ADGRB3: variants seen among roughly 807,000 people sequenced by gnomAD.
ADGRB3 encodes the protein brain-specific angiogenesis inhibitor 3.
ADGRB3 carries 37 observed loss-of-function variants against 193.4 expected under a neutral mutation model. The observed-to-expected ratio is 0.19, with a 90% CI of 0.15 to 0.25. The LOEUF is 0.25. Ranked by LOEUF, ADGRB3 falls within the 10% of genes least tolerant of loss-of-function variation. ADGRB3 has a pLI of 1.00. For synonymous variants in ADGRB3, 690 were observed against 644.2 expected, an observed-to-expected ratio of 1.07 and a Z score of -1.08; for missense variants, 1,637 against 1,852.9, an observed-to-expected ratio of 0.88 and a Z score of 2.14.
intron 3 of ADGRB3, among the ~76,000 whole-genome samples, chr6:68,884,349 G>A (rs183650984): frequency 3.3e-4 from 50 of 152,218 alleles, no homozygotes; most frequent in Admixed American, 8.5e-4. Flanking sequence ...TAGAAACTGT[G>A]ATAAGCGCTG....
chr6:69,223,918 A>T (rs1413533077), intron 17 of ADGRB3, among the ~76,000 whole-genome samples: 3 of 151,844 alleles, frequency 2.0e-5, no homozygotes, highest in African/African-American at 7.3e-5. Flanking sequence ...TAGCCTCCCA[A>T]AGTGTTAGGA....
intron 13 of ADGRB3, among the ~76,000 whole-genome samples, chr6:69,031,571 C>CTCTCTCTCT (rs1337493560): frequency 1.9e-5 from 2 of 106,848 alleles, no homozygotes; most frequent in Non-Finnish European, 3.9e-5. Flanking sequence ...TTCTTTTCTT[C>CTCTCTCTCT]CTCTGTCTCT....
chr6:68,736,305 G>A (rs971915212), intron 3 of ADGRB3, among the ~76,000 whole-genome samples: 1 of 152,044 alleles, frequency 6.6e-6, no homozygotes, highest in African/African-American at 2.4e-5. Context: ...GGCGTGATCC[G>A]CCATGCCCAG....
intron 17 of ADGRB3, among the ~76,000 whole-genome samples, chr6:69,094,962 C>T (rs1772831784): frequency 6.6e-6 from 1 of 152,152 alleles, no homozygotes; most frequent in Admixed American, 6.5e-5. Flanking sequence ...ACTTAAGCTA[C>T]GTGAAGAGAA....
rs374039239 is a variant in ADGRB3 at position 68,974,824 on chromosome 6, A to G, written c.1587A>G (p.Ala529=). 6 of 1,613,902 alleles carry G rather than the reference A, an allele frequency of 3.7e-6. No individual in the cohort carries two copies. In the African/African-American group the frequency reaches 8.0e-5, roughly 22 times the overall value. Residue 529 remains alanine (A), a synonymous_variant, in exon 9 of 32, where the codon GCA becomes GCG. Coordinates refer to ENST00000370598, the MANE Select transcript of ADGRB3 (RefSeq NM_001704.3). ...LMSMVWKRTP[A]GDLAFNQCPL... ...CGATGGTGTGGAAAAGAACTCCAGCAGGCGACTTGGCATTCAATCAATGTC... is the reference window on the plus strand; with the variant it reads ...CGATGGTGTGGAAAAGAACTCCAGCGGGCGACTTGGCATTCAATCAATGTC...
chr6:68,674,003 A>G, intron 3 of ADGRB3, among the ~76,000 whole-genome samples: 1 of 152,172 alleles, frequency 6.6e-6, no homozygotes, highest in East Asian at 1.9e-4. Context: ...ATACTATAAA[A>G]TAAGGGACAG....
At chr6:69,025,629 TA>T (rs1489889328) in intron 13 of ADGRB3, among the ~76,000 whole-genome samples, 1 of 152,114 alleles carries the variant, frequency 6.6e-6, no homozygotes, top group African/African-American at 2.4e-5. Flanking sequence ...TCTGGCTCTT[TA>T]CCACCCTTGC....
At chr6:69,056,856 G>A (rs1361785816) in intron 15 of ADGRB3, among the ~76,000 whole-genome samples, 1 of 152,086 alleles carries the variant, frequency 6.6e-6, no homozygotes, top group Non-Finnish European at 1.5e-5. Flanking sequence ...CTGTAGCTTT[G>A]TAATATAGCT....
chr6:68,833,677 A>G (rs1181374879), intron 3 of ADGRB3, among the ~76,000 whole-genome samples: 2 of 151,848 alleles, frequency 1.3e-5, no homozygotes, highest in Non-Finnish European at 2.9e-5. Context: ...AAAACAATAA[A>G]ATTCATTAAT....
chr6:69,035,840 T>C (rs1220897682), intron 13 of ADGRB3, among the ~76,000 whole-genome samples: 1 of 152,150 alleles, frequency 6.6e-6, no homozygotes, highest in African/African-American at 2.4e-5. Flanking sequence ...AGTGAGGACA[T>C]AGATATGTCA....
Position 69,224,403 on chromosome 6 carries a change from T to A in ADGRB3, c.2481-8887T>A, listed in dbSNP as rs372291422. ...CTTTTTCAAGGTTGTGCATCTCAAC[T>A]GTTGCAAATTATATTAGGCGAAAAA... On this transcript the variant is annotated intron_variant, in intron 17 of 31. Transcript: ENST00000370598. Among the ~76,000 whole-genome samples the A allele has an allele frequency of 2.6e-4, 39 of 152,260 alleles. No homozygotes were observed. In the East Asian group the frequency reaches 3.7e-3, roughly 14 times the overall value.
At chr6:69,098,473 A>G (rs1163038236) in intron 17 of ADGRB3, among the ~76,000 whole-genome samples, 4 of 152,204 alleles carry the variant, frequency 2.6e-5, no homozygotes, top group African/African-American at 9.6e-5. Context: ...TGAGGAAAAG[A>G]GGTTTAATTG....
At chr6:68,843,134 G>A (rs13214125) in intron 3 of ADGRB3, among the ~76,000 whole-genome samples, 58,161 of 151,392 alleles carry the variant, frequency 0.38, 11,931 homozygotes, top group Middle Eastern at 0.54. Context: ...ATAAGGATGC[G>A]CACTTTCACT....
At chr6:69,380,950 CTATAT>C (rs947024423) in intron 30 of ADGRB3, among the ~76,000 whole-genome samples, 40 of 151,894 alleles carry the variant, frequency 2.6e-4, no homozygotes, top group African/African-American at 9.2e-4. Context: ...GAAAATAACT[CTATAT>C]TATAAGATTC....
chr6:68,671,286 A>G (rs1361859575), intron 3 of ADGRB3, among the ~76,000 whole-genome samples: 1 of 151,984 alleles, frequency 6.6e-6, no homozygotes, highest in East Asian at 1.9e-4. Context: ...GACTTCTAAT[A>G]CTATGTTGAA....
chr6:69,083,055 A>G (rs1050904116), intron 17 of ADGRB3, among the ~76,000 whole-genome samples: 3 of 152,176 alleles, frequency 2.0e-5, no homozygotes, highest in African/African-American at 4.8e-5. Flanking sequence ...ATTTTTCCAC[A>G]TATAGTTCAG....
chr6:68,849,990 T>G (rs992969369), intron 3 of ADGRB3, among the ~76,000 whole-genome samples: 6 of 151,952 alleles, frequency 3.9e-5, no homozygotes. Flanking sequence ...TTAAAATATG[T>G]GTGATATTTT....
intron 10 of ADGRB3, among the ~76,000 whole-genome samples, chr6:68,992,222 A>G (rs762409476): frequency 2.0e-5 from 3 of 152,208 alleles, no homozygotes; most frequent in Non-Finnish European, 2.9e-5. Flanking sequence ...TGGTTTTTAA[A>G]GAAGAGACCA....
intron 3 of ADGRB3, among the ~76,000 whole-genome samples, chr6:68,706,952 A>G (rs1158109596): frequency 6.6e-6 from 1 of 152,044 alleles, no homozygotes; most frequent in Non-Finnish European, 1.5e-5. Context: ...TCTACTAAAA[A>G]TACAAAAAAT....
Sources: allele counts gnomAD v4.1 joint callset (sites outside exome capture counted in the v4.1 genomes callset), GRCh38; gene constraint gnomAD v4.1.1; transcripts MANE v1.5; gene names NCBI Gene and HGNC (gene_info 2026-07-23, HGNC 2026-07-21).